RNF213: variants seen among roughly 807,000 people sequenced by gnomAD.
The protein encoded by RNF213 is E3 ubiquitin-protein ligase RNF213.
RNF213 carries 341 observed loss-of-function variants against 514.4 expected under a neutral mutation model. The ratio of observed to expected loss-of-function variants is 0.66; its 90% CI spans 0.61 to 0.73. The LOEUF is 0.73. Ranked by LOEUF, RNF213 falls within the 30% of genes least tolerant of loss-of-function variation. The pLI is 0.00. For missense variants in RNF213, 5,767 were observed against 6,615.6 expected (o/e 0.87, Z 4.45); for synonymous variants, 2,655 against 2,658.2 (o/e 1.00, Z 0.04).
At chr17:80,364,036 C>T (rs1407463920) in intron 41 of RNF213, among the ~76,000 whole-genome samples, 2 of 152,188 alleles carry the variant, frequency 1.3e-5, no homozygotes, top group African/African-American at 4.8e-5. Context: ...CGTAGAAAGG[C>T]AGACGGGCTA....
In RNF213 at chr17:80,317,244, G is replaced by A. The variant is rs377357981; in HGVS notation, c.2868G>A (p.Ser956=). 1.2e-5 allele frequency: 20 copies of A among 1,612,754 alleles called. No homozygotes were observed. Among genetic ancestry groups the A allele is most frequent in the African/African-American group, 2.7e-5 (2 of 74,916 alleles). ...QFPAEHGWKE[S]LLGDMEWRLT... ...CCGCGGAGCATGGCTGGAAGGAGTC[G>A]TTGCTGGGAGACATGGAATGGAGGC... The change falls in exon 16 of 68, where the codon TCG becomes TCA. Residue 956 remains serine (S), a synonymous_variant. Transcript: ENST00000582970. The surrounding 1 kb of genome is among the most constrained non-coding windows in gnomAD (Gnocchi z 4.1).
rs554921342 is a variant in RNF213, at chr17:80,279,622, G to A, written c.261+6218G>A. Reference sequence around the variant, plus strand: ...TGGGATTACAGGCACCTGCCACCACGCCCGGCTACTTTTTTTGTGTATTTT... The same window carrying A: ...TGGGATTACAGGCACCTGCCACCACACCCGGCTACTTTTTTTGTGTATTTT... On this transcript the variant is annotated intron_variant, in intron 3 of 67. Transcript: ENST00000582970. 3.0e-4 allele frequency among the ~76,000 whole-genome samples: 46 copies of A among 151,706 alleles called. 1 individual carries two copies. The South Asian group carries it at 8.8e-3, about 29-fold the overall frequency.
At position 80,334,175 on chromosome 17, in the gene RNF213, A is replaced by C; in HGVS notation, c.4214A>C (p.Lys1405Thr). ...QINQELIQAK[K>T]LLQDISEARC... ...AACCAGGAGCTCATCCAGGCCAAAA[A>C]GCTGCTCCAGGACATCAGCGAGGCC... The change falls in exon 22 of 68, where the codon AAG becomes ACG. Residue 1405 changes from lysine to threonine, a missense_variant. This residue lies in a region of RNF213 where 516 missense variants were observed against 566.5 expected (regional missense o/e 0.91). Coordinates refer to ENST00000582970, the MANE Select transcript of RNF213 (RefSeq NM_001256071.3). 3.3e-6 allele frequency: 5 copies of C among 1,537,226 alleles called. No individual in the cohort carries two copies. The highest frequency in any genetic ancestry group is 4.4e-6 in the Non-Finnish European group (5 of 1,146,894).
At chr17:80,361,348 G>A (rs902000484) in intron 38 of RNF213, among the ~76,000 whole-genome samples, 23 of 152,048 alleles carry the variant, frequency 1.5e-4, no homozygotes, top group African/African-American at 5.6e-4. Context: ...GTGAAACCCC[G>A]TCTCTACTAA....
chr17:80,364,562 T>G lies in RNF213; in HGVS notation c.11871+9T>G. On this transcript the variant is annotated intron_variant, in intron 42 of 67. Transcript: ENST00000582970. ...TCTTCTTACTAGACAAGGTGAGTAC[T>G]TGGGCTGGCCTCAGCACATGCACGG... The G allele has an allele frequency of 6.2e-7, 1 of 1,614,152 alleles. No homozygotes were observed.
Position 80,263,792 on chromosome 17 carries a change from G to A in RNF213, c.97+14G>A. On this transcript the variant is annotated intron_variant, in intron 2 of 67. Transcript: ENST00000582970. This position sits in a 1 kb window ranked among gnomAD's most constrained non-coding sequence, Gnocchi z 4.9. Reference sequence around the variant, plus strand: ...CCCCCATAGCAGGTGAGGCCCAGGGGTGCTGGTGGAGGCTGGGGCAGTGGG... The same window carrying A: ...CCCCCATAGCAGGTGAGGCCCAGGGATGCTGGTGGAGGCTGGGGCAGTGGG... The A allele has an allele frequency of 6.2e-7, 1 of 1,612,238 alleles. No homozygotes were observed. The highest frequency in any genetic ancestry group is 1.1e-5 in the South Asian group (1 of 91,044).
intron 20 of RNF213, 113 bp downstream of exon 20, chr17:80,328,590 T>C: frequency 1.7e-6 from 2 of 1,157,608 alleles, no homozygotes; most frequent in Non-Finnish European, 2.3e-6. Context: ...GCTTTAAAAT[T>C]TTTTTTTTAA....
chr17:80,389,206 A>G lies in RNF213; in HGVS notation c.15034A>G (p.Ser5012Gly). The G allele has an allele frequency of 6.2e-7, 1 of 1,614,158 alleles. No homozygotes were observed. Among genetic ancestry groups the G allele is most frequent in the Non-Finnish European group, 8.5e-7 (1 of 1,179,998 alleles). ...SLPSSVISAI[S>G]GQLQSYSDAC... ...CCCCAGCTCGGTCATTAGTGCCATC[A>G]GTGGACAGCTGCAGTCCTACAGCGA... is the stretch of plus-strand genomic sequence containing the variant. The change falls in exon 65 of 68, where the codon AGT becomes GGT. Residue 5012 changes from serine to glycine, a missense_variant. Ser to Gly is a moderately conservative substitution (Grantham distance 56). Coordinates refer to ENST00000582970, the MANE Select transcript of RNF213 (RefSeq NM_001256071.3).
intron 21 of RNF213, among the ~76,000 whole-genome samples, chr17:80,333,205 C>T (rs2046465558): frequency 7.0e-6 from 1 of 143,490 alleles, no homozygotes; most frequent in Non-Finnish European, 1.5e-5. Flanking sequence ...CCCGCAACCA[C>T]GCCCGGCTAA....
At chr17:80,322,156 C>CG (rs1422545585) in intron 17 of RNF213, among the ~76,000 whole-genome samples, 4 of 113,316 alleles carry the variant, frequency 3.5e-5, no homozygotes, top group African/African-American at 1.4e-4. Flanking sequence ...CCCCCCCACC[C>CG]CCCCTTTTTT....
chr17:80,356,315 G>T lies in RNF213; in HGVS notation c.10862+1739G>T, dbSNP rs114683850. Reference sequence around the variant, plus strand: ...GTGTGCCCGGCCTGTTGATGCTTTTGAATCCCTGACTCCACTCCCCGGGAC... The same window carrying T: ...GTGTGCCCGGCCTGTTGATGCTTTTTAATCCCTGACTCCACTCCCCGGGAC... On this transcript the variant is annotated intron_variant, in intron 36 of 67. Coordinates refer to ENST00000582970, the MANE Select transcript of RNF213 (RefSeq NM_001256071.3). 4.9e-3 allele frequency among the ~76,000 whole-genome samples: 750 copies of T among 152,276 alleles called. 3 individuals are homozygous for T. Among genetic ancestry groups the T allele is most frequent in the African/African-American group, 0.017 (705 of 41,552 alleles).
chr17:80,332,568 G>T lies in RNF213; in HGVS notation c.4080G>T (p.Leu1360Phe), dbSNP rs1224594004. 6.5e-7 allele frequency: 1 copy of T among 1,534,082 alleles called. No individual in the cohort carries two copies. The highest frequency in any genetic ancestry group is 1.4e-5 in the African/African-American group (1 of 72,870). ...HQAVHAAKVI[L>F]QVKESLGLNG... ...CTGTCCACGCAGCCAAGGTCATCTT[G>T]CAGGTCAAAGAGAGCCTGGGACTGA... The change falls in exon 21 of 68, where the codon TTG (leucine) becomes TTT (phenylalanine). Residue 1360 changes from leucine (L) to phenylalanine (F), a missense_variant. Transcript: ENST00000582970.
chr17:80,311,382 T>G (rs2045566372), intron 14 of RNF213, among the ~76,000 whole-genome samples: 1 of 152,154 alleles, frequency 6.6e-6, no homozygotes, highest in Non-Finnish European at 1.5e-5. Flanking sequence ...TTCAGTTTGT[T>G]GTTATTGGCC....
chr17:80,383,397 TA>T (rs1402692619), intron 58 of RNF213, among the ~76,000 whole-genome samples: 1 of 152,178 alleles, frequency 6.6e-6, no homozygotes, highest in Non-Finnish European at 1.5e-5. Flanking sequence ...ATATACCCAT[TA>T]AAAATGAACT....
At chr17:80,371,792 A>G in intron 46 of RNF213, 82 bp from the exon 47 acceptor site, 1 of 750,658 alleles carries the variant, frequency 1.3e-6, no homozygotes, top group Non-Finnish European at 2.4e-6. Flanking sequence ...AGGACAGACG[A>G]CCGATAGATA....
intron 17 of RNF213, among the ~76,000 whole-genome samples, chr17:80,323,184 A>G (rs1289398841): frequency 1.3e-5 from 2 of 152,196 alleles, no homozygotes; most frequent in African/African-American, 4.8e-5. Context: ...CTTGTCAAAA[A>G]TCTGTTGACG....
Position 80,311,098 on chromosome 17 carries a change from AT to A in RNF213, c.2656-1910del, listed in dbSNP as rs1197429678. Among the ~76,000 whole-genome samples, 30 of 152,288 alleles carry A rather than the reference AT, an allele frequency of 2.0e-4. No individual in the cohort carries two copies. In the East Asian group the frequency reaches 2.5e-3, roughly 13 times the overall value. On this transcript the variant is annotated intron_variant, in intron 14 of 67. Coordinates refer to ENST00000582970, the MANE Select transcript of RNF213 (RefSeq NM_001256071.3). ...GGAATTTGTCAGTTACTTAGGATTT[AT>A]TTTCTACAGAAATAACTATCTTAAA...
rs1015917048 is a variant in RNF213 at position 80,263,995 on chromosome 17, G to T, written c.97+217G>T. 6.6e-6 allele frequency among the ~76,000 whole-genome samples: 1 copy of T among 152,172 alleles called. No individual in the cohort carries two copies. The highest frequency in any genetic ancestry group is 2.4e-5 in the African/African-American group (1 of 41,442). ...TAGATTAGTCTCCCACACAGGTCAAGCCAGGGGACCACCACCCAGTGCTTC... is the reference window on the plus strand; with the variant it reads ...TAGATTAGTCTCCCACACAGGTCAATCCAGGGGACCACCACCCAGTGCTTC... On this transcript the variant is annotated intron_variant, in intron 2 of 67. Transcript: ENST00000582970. The surrounding 1 kb of genome is among the most constrained non-coding windows in gnomAD (Gnocchi z 4.9).
At chr17:80,294,697 C>T (rs9890495) in intron 8 of RNF213, 23 bp from the exon 9 acceptor site, 3 of 1,613,150 alleles carry the variant, frequency 1.9e-6, no homozygotes, top group Admixed American at 1.7e-5. Context: ...TAGGTAGGCT[C>T]TTGTTCCTTC....
Sources: allele counts gnomAD v4.1 joint callset (sites outside exome capture counted in the v4.1 genomes callset), GRCh38; gene constraint gnomAD v4.1.1; regional missense constraint gnomAD v4.1.1; non-coding constraint Gnocchi (gnomAD v3.1); transcripts MANE v1.5; gene names NCBI Gene and HGNC (gene_info 2026-07-23, HGNC 2026-07-21).